DOP1B: variants seen among roughly 807,000 people sequenced by gnomAD.
DOP1B encodes DOP1 leucine zipper like protein B, also known as protein DOP1B.
Under a neutral mutation model 233.5 loss-of-function variants are expected in DOP1B, and 174 were observed. That is an observed-to-expected ratio of 0.75 (90% CI 0.66 to 0.85). The LOEUF (loss-of-function observed/expected upper bound fraction) is 0.85. DOP1B is among the 40% of genes least tolerant of loss of function. The pLI, the probability that DOP1B is intolerant of heterozygous loss-of-function variation, is 0.00. For missense variants in DOP1B, 2,652 were observed against 2,846.6 expected (o/e 0.93, Z 1.56); for synonymous variants, 1,190 against 1,185.6 (o/e 1.00, Z -0.08).
intron 4 of DOP1B, among the ~76,000 whole-genome samples, chr21:36,204,285 T>C (rs2066403874): frequency 6.6e-6 from 1 of 152,196 alleles, no homozygotes; most frequent in East Asian, 1.9e-4. Flanking sequence ...CTTAAAGAGT[T>C]GAAAAATATT....
chr21:36,243,667 A>ATT (rs10652120), intron 18 of DOP1B, among the ~76,000 whole-genome samples: 103 of 148,694 alleles, frequency 6.9e-4, no homozygotes, highest in South Asian at 1.1e-3. Context: ...CTGCTGCTTG[A>ATT]TTTTTTTTTT....
chr21:36,234,499 A>G (rs1247148097), intron 15 of DOP1B, among the ~76,000 whole-genome samples: 1 of 151,786 alleles, frequency 6.6e-6, no homozygotes, highest in African/African-American at 2.4e-5. Flanking sequence ...TTTCATTTTC[A>G]TGTAGTACAT....
At chr21:36,214,384 A>G in intron 8 of DOP1B, 58 bp from the exon 9 acceptor site, 1 of 1,515,928 alleles carries the variant, frequency 6.6e-7, no homozygotes, top group Admixed American at 1.9e-5. Flanking sequence ...ATAGCCAGTA[A>G]TGTTGTTACA....
At chr21:36,176,097 C>CGTGTGCGTGTGT (rs375729449) in intron 2 of DOP1B, among the ~76,000 whole-genome samples, 2,492 of 141,842 alleles carry the variant, frequency 0.018, 35 homozygotes, top group South Asian at 0.034. Flanking sequence ...GGTGTGTGTG[C>CGTGTGCGTGTGT]GTGTGTGTGT....
At chr21:36,171,028 G>A (rs746667943) in intron 2 of DOP1B, among the ~76,000 whole-genome samples, 3 of 152,188 alleles carry the variant, frequency 2.0e-5, no homozygotes, top group African/African-American at 4.8e-5. Flanking sequence ...AGCTCACTGC[G>A]TGCTAAGGAG....
chr21:36,235,695 T>C (rs1333116517), intron 15 of DOP1B, among the ~76,000 whole-genome samples: 2 of 151,976 alleles, frequency 1.3e-5, no homozygotes, highest in Non-Finnish European at 2.9e-5. Context: ...GCCACTGCAC[T>C]CCAGCCTGGG....
chr21:36,252,864 C>T (rs1342873193), intron 22 of DOP1B, among the ~76,000 whole-genome samples: 2 of 152,182 alleles, frequency 1.3e-5, no homozygotes, highest in Non-Finnish European at 2.9e-5. Context: ...TGAAGTCCTG[C>T]AGGGGTCGGC....
intron 23 of DOP1B, among the ~76,000 whole-genome samples, chr21:36,257,312 C>T (rs755417644): frequency 3.3e-5 from 5 of 152,146 alleles, no homozygotes; most frequent in Non-Finnish European, 5.9e-5. Context: ...ATGACTAAAG[C>T]ATGGACAACC....
chr21:36,282,329 T>A (rs9977284), intron 32 of DOP1B, among the ~76,000 whole-genome samples: 62,944 of 151,716 alleles, frequency 0.41, 13,144 homozygotes, highest in Middle Eastern at 0.51. Context: ...GAGGCAGGAG[T>A]ATCACTTAAA....
At chr21:36,276,840 CAAAAAAAAAAA>C (rs57389991) in intron 27 of DOP1B, among the ~76,000 whole-genome samples, 170 bp from the exon 28 acceptor site, 1 of 106,262 alleles carries the variant, frequency 9.4e-6, no homozygotes, top group South Asian at 3.1e-4. Context: ...GACTCCATCT[CAAAAAAAAAAA>C]AAAAAAAAGA....
intron 2 of DOP1B, among the ~76,000 whole-genome samples, chr21:36,183,023 GTTTTC>G (rs1569005121): frequency 6.6e-6 from 1 of 152,178 alleles, no homozygotes; most frequent in Non-Finnish European, 1.5e-5. Context: ...ACTGTAGGAT[GTTTTC>G]TTTTGTTTAA....
Position 36,288,765 on chromosome 21 carries a change from T to G in DOP1B, c.6307T>G (p.Phe2103Val). 6.2e-7 allele frequency: 1 copy of G among 1,612,392 alleles called. No homozygotes were observed. The highest frequency in any genetic ancestry group is 8.5e-7 in the Non-Finnish European group (1 of 1,178,760). Residue 2103 changes from phenylalanine (F) to valine (V), a missense_variant, in exon 34 of 37, where the codon TTC becomes GTC. Physicochemically the swap from Phe to Val is conservative, Grantham distance 50. Transcript: ENST00000691173. Reference sequence around the variant, plus strand: ...TGCATTTTTTTTTCAGATTCAGACATTCACACAGCTTGAAGAAGATCTAAA... The same window carrying G: ...TGCATTTTTTTTTCAGATTCAGACAGTCACACAGCTTGAAGAAGATCTAAA... ...PIMVSELIQT[F>V]TQLEEDLKDE...
chr21:36,214,883 A>G (rs1007502052), intron 9 of DOP1B, among the ~76,000 whole-genome samples: 2 of 152,148 alleles, frequency 1.3e-5, no homozygotes, highest in Non-Finnish European at 2.9e-5. Flanking sequence ...TCTATAAAAA[A>G]ATACAAAAAA....
rs1158814845 is a variant in DOP1B, at chr21:36,245,050, G to A, written c.3070G>A (p.Asp1024Asn). Reference sequence around the variant, plus strand: ...ATTTGTCATCTTGTAATTTTCAGATGACTTGCACCGTTGGTTTAACAGGAA... The same window carrying A: ...ATTTGTCATCTTGTAATTTTCAGATAACTTGCACCGTTGGTTTAACAGGAA... Reference protein sequence around the residue: ...HCLKQENSADDLHRWFNRKKT... With the variant: ...HCLKQENSADNLHRWFNRKKT... The change falls in exon 19 of 37, where the codon GAC (aspartate) becomes AAC (asparagine). Residue 1024 changes from aspartate (D) to asparagine (N), a missense_variant and splice_region_variant. Asp to Asn is a conservative substitution (Grantham distance 23). Around this residue, in one of 3 missense-constraint regions of DOP1B, gnomAD observed 2,617 missense variants for 2,794.3 expected, o/e 0.94. Coordinates refer to ENST00000691173, the MANE Select transcript of DOP1B (RefSeq NM_001320714.2). This position sits in a 1 kb window ranked among gnomAD's most constrained non-coding sequence, Gnocchi z 5.5. The A allele has an allele frequency of 6.3e-7, 1 of 1,591,948 alleles. No homozygotes were observed. The highest frequency in any genetic ancestry group is 1.1e-5 in the South Asian group (1 of 89,964).
chr21:36,234,647 T>C (rs1403470937), intron 15 of DOP1B, among the ~76,000 whole-genome samples: 1 of 152,074 alleles, frequency 6.6e-6, no homozygotes, highest in Non-Finnish European at 1.5e-5. Context: ...TTCAAGCGAT[T>C]CCCCTGCCTC....
chr21:36,173,908 T>A (rs1387131518), intron 2 of DOP1B, among the ~76,000 whole-genome samples: 1 of 152,002 alleles, frequency 6.6e-6, no homozygotes, highest in East Asian at 1.9e-4. Flanking sequence ...ATGAACCAGT[T>A]TTTTTTGTTT....
rs141175682 is a variant in DOP1B at position 36,288,711 on chromosome 21, A to T, written c.6298-45A>T. On this transcript the variant is annotated intron_variant, in intron 33 of 36. Transcript: ENST00000691173. ...TAAGTAAAAAAAAATATTTGGGTAG[A>T]TTTAATCTGTCTCAGATAGTAACTT... 1.5e-4 allele frequency: 217 copies of T among 1,419,244 alleles called. 2 individuals are homozygous for T. The African/African-American group carries it at 2.5e-3, about 16-fold the overall frequency. The allele number at this position is 1,419,244 out of a possible 1,614,324, so 87.9% of individuals were successfully genotyped here. A position where few individuals can be genotyped will look rare whatever the true frequency, so the allele number is the denominator to read the frequency against.
At position 36,251,383 on chromosome 21, in the gene DOP1B, G is replaced by T. The variant is rs568043003; in HGVS notation, c.5121+99G>T. 1.6e-4 allele frequency: 230 copies of T among 1,449,526 alleles called. 2 individuals are homozygous for T. The highest frequency in any genetic ancestry group is 1.4e-3 in the Middle Eastern group (7 of 5,078). The allele number at this position is 1,449,526 out of a possible 1,614,324, so 89.8% of individuals were successfully genotyped here. ...AAGGTGACATTGGAAGCCAGCATGGGAAACTATTGAGTTGATTTAATCATT... is the reference window on the plus strand; with the variant it reads ...AAGGTGACATTGGAAGCCAGCATGGTAAACTATTGAGTTGATTTAATCATT... On this transcript the variant is annotated intron_variant, in intron 22 of 36. Transcript: ENST00000691173.
At position 36,231,098 on chromosome 21, in the gene DOP1B, A is replaced by T. The variant is rs376971725; in HGVS notation, c.2314A>T (p.Thr772Ser). 15 of 1,609,640 alleles carry T rather than the reference A, an allele frequency of 9.3e-6. No individual in the cohort carries two copies. The highest frequency in any genetic ancestry group is 1.3e-5 in the Non-Finnish European group (15 of 1,177,840). ...CCCTGTCTACCTGTCCGAGGAAGAG[A>T]CCGAGCAGCTCTGTGCAACGCTCTT... ...TFPVYLSEEETEQLCATLFQL... is the reference protein window; with the variant it reads ...TFPVYLSEEESEQLCATLFQL... The change falls in exon 14 of 37, where the codon ACC becomes TCC. Residue 772 changes from threonine to serine, a missense_variant. This residue lies in a region of DOP1B where 2,617 missense variants were observed against 2,794.3 expected (regional missense o/e 0.94). Coordinates refer to ENST00000691173, the MANE Select transcript of DOP1B (RefSeq NM_001320714.2).
Sources: allele counts gnomAD v4.1 joint callset (sites outside exome capture counted in the v4.1 genomes callset), GRCh38; gene constraint gnomAD v4.1.1; regional missense constraint gnomAD v4.1.1; non-coding constraint Gnocchi (gnomAD v3.1); transcripts MANE v1.5; gene names NCBI Gene and HGNC (gene_info 2026-07-23, HGNC 2026-07-21).